The following COL4A1 variants were observed in gnomAD, a reference collection of about 807,000 sequenced individuals.
The protein encoded by COL4A1 is collagen alpha-1(IV) chain.
Under a neutral mutation model 216.6 loss-of-function variants are expected in COL4A1, and 40 were observed. The observed-to-expected ratio is 0.18, with a 90% CI of 0.14 to 0.24. COL4A1 has a LOEUF of 0.24. Ranked by LOEUF, COL4A1 falls within the 10% of genes least tolerant of loss-of-function variation. The probability of loss-of-function intolerance (pLI) is 1.00; values close to 1 mark genes in which losing one functional copy is unlikely to be tolerated. For synonymous variants in COL4A1, 839 were observed against 810.7 expected, an observed-to-expected ratio of 1.03 and a Z score of -0.59; for missense variants, 1,628 against 2,196.8, an observed-to-expected ratio of 0.74 and a Z score of 5.18.
intron 12 of COL4A1, 36 bp downstream of exon 12, chr13:110,208,813 T>A (rs1470873596): frequency 1.2e-6 from 2 of 1,612,026 alleles, no homozygotes; most frequent in Non-Finnish European, 1.7e-6. Context: ...ACTGTGGTTT[T>A]CAACATGAAA....
chr13:110,220,573 A>G (rs1454389250), intron 2 of COL4A1, among the ~76,000 whole-genome samples: 1 of 152,196 alleles, frequency 6.6e-6, no homozygotes, highest in Non-Finnish European at 1.5e-5. Context: ...ACTTTCAGAT[A>G]TCATGAGAGC....
At chr13:110,169,809 A>G (rs1877522938) in intron 42 of COL4A1, 47 bp from the exon 43 acceptor site, 1 of 1,611,442 alleles carries the variant, frequency 6.2e-7, no homozygotes, top group Non-Finnish European at 8.5e-7. Context: ...AATATGCACA[A>G]GTGTCCCTGG....
Position 110,213,937 on chromosome 13 carries a change from G to A in COL4A1, c.223C>T (p.Pro75Ser). 2.5e-6 allele frequency: 4 copies of A among 1,613,998 alleles called. No homozygotes were observed. The highest frequency in any genetic ancestry group is 2.2e-5 in the South Asian group (2 of 91,052). Residue 75 changes from proline to serine, a missense_variant, in exon 3 of 52, where the codon CCA becomes TCA. By Grantham distance (74) the Pro-to-Ser change is moderately conservative (BLOSUM62 -1). Coordinates refer to ENST00000375820, the MANE Select transcript of COL4A1 (RefSeq NM_001845.6). The stretch of plus-strand genomic sequence containing the variant: ...ACAGCCGTGCTTACCTTTTGTCCTG[G>A]TGGTCCCTGTGGCCCCTCAGGTCCT... ...MQGPEGPQGPPGQKGDTGEPG... is the reference protein window; with the variant it reads ...MQGPEGPQGPSGQKGDTGEPG...
chr13:110,162,174 C>T (rs1202256664), intron 48 of COL4A1, 56 bp downstream of exon 48: 45 of 1,498,866 alleles, frequency 3.0e-5, no homozygotes, highest in South Asian at 2.1e-4. Context: ...CACTGCACAC[C>T]GAAGGCACTC....
chr13:110,178,280 A>C (rs375334032), intron 31 of COL4A1, 49 bp from the exon 32 acceptor site: 443 of 1,609,016 alleles, frequency 2.8e-4, no homozygotes, highest in Non-Finnish European at 3.7e-4. Flanking sequence ...TTACAGAATG[A>C]TCTACAATGT....
intron 20 of COL4A1, among the ~76,000 whole-genome samples, chr13:110,200,490 G>A (rs987128556): frequency 6.6e-6 from 1 of 152,152 alleles, no homozygotes; most frequent in African/African-American, 2.4e-5. Flanking sequence ...GGAGGAAGGC[G>A]CCTGACTGTG....
chr13:110,255,500 T>A (rs1402785374), intron 1 of COL4A1, among the ~76,000 whole-genome samples: 1 of 124,912 alleles, frequency 8.0e-6, no homozygotes, highest in Non-Finnish European at 1.7e-5. Context: ...GGTTTCCCAA[T>A]GAAAGAACGG....
chr13:110,261,123 C>A (rs1224877538), intron 1 of COL4A1, among the ~76,000 whole-genome samples: 1 of 148,554 alleles, frequency 6.7e-6, no homozygotes, highest in Non-Finnish European at 1.5e-5. Flanking sequence ...AAGATTTGTT[C>A]ACCAATTCCA....
chr13:110,270,500 G>A (rs7327758), intron 1 of COL4A1, among the ~76,000 whole-genome samples: 39 of 152,334 alleles, frequency 2.6e-4, no homozygotes, highest in African/African-American at 8.9e-4. Context: ...TTTTAGGCTT[G>A]TATTGTATTA....
intron 6 of COL4A1, among the ~76,000 whole-genome samples, 169 bp from the exon 7 acceptor site, chr13:110,212,091 T>C (rs1471440690): frequency 9.9e-5 from 15 of 152,114 alleles, no homozygotes; most frequent in Non-Finnish European, 2.2e-4. Flanking sequence ...AAAGAAGAAA[T>C]AGACTTGATA....
chr13:110,237,098 G>A (rs1031325742), intron 2 of COL4A1, among the ~76,000 whole-genome samples: 24 of 152,244 alleles, frequency 1.6e-4, no homozygotes, highest in African/African-American at 5.5e-4. Flanking sequence ...TCCCCGTCCC[G>A]ACCCGTTAGA....
chr13:110,261,300 G>C (rs1047953496), intron 1 of COL4A1, among the ~76,000 whole-genome samples: 47 of 152,220 alleles, frequency 3.1e-4, no homozygotes, highest in Admixed American at 2.6e-4. Flanking sequence ...GCCTCTGATG[G>C]AATTCCACAG....
intron 35 of COL4A1, 24 bp from the exon 36 acceptor site, chr13:110,176,537 T>A (rs1359936541): frequency 6.2e-7 from 1 of 1,601,214 alleles, no homozygotes; most frequent in Admixed American, 1.7e-5. Flanking sequence ...GAAAGCAGTC[T>A]GACAGGTTGA....
chr13:110,248,104 T>C (rs1881910069), intron 1 of COL4A1, among the ~76,000 whole-genome samples: 1 of 152,132 alleles, frequency 6.6e-6, no homozygotes, highest in Non-Finnish European at 1.5e-5. Context: ...TTTCTCGCAT[T>C]CCCTATGCTG....
chr13:110,268,199 A>AACTGTGTCCTGCCTCAGAGCACCGGC lies in COL4A1; in HGVS notation c.85-25491_85-25466dup, dbSNP rs1303768642. Among the ~76,000 whole-genome samples, 1 of 152,212 alleles carries AACTGTGTCCTGCCTCAGAGCACCGGC rather than the reference A, an allele frequency of 6.6e-6. No homozygotes were observed. The highest frequency in any genetic ancestry group is 1.5e-5 in the Non-Finnish European group (1 of 68,034). Reference sequence around the variant, plus strand: ...GGCCAGGTTCAGCAGGGCCGATGCCAACTGTGTCCTGCCTCAGAGCACCGG... The same window carrying AACTGTGTCCTGCCTCAGAGCACCGGC: ...GGCCAGGTTCAGCAGGGCCGATGCCAACTGTGTCCTGCCTCAGAGCACCGGCACTGTGTCCTGCCTCAGAGCACCGG... On this transcript the variant is annotated intron_variant, in intron 1 of 51. Coordinates refer to ENST00000375820, the MANE Select transcript of COL4A1 (RefSeq NM_001845.6). This position sits in a 1 kb window ranked among gnomAD's most constrained non-coding sequence, Gnocchi z 4.1.
chr13:110,288,896 G>A (rs60185726), intron 1 of COL4A1, among the ~76,000 whole-genome samples: 24,814 of 152,208 alleles, frequency 0.16, 2,272 homozygotes, highest in South Asian at 0.22. Flanking sequence ...GCTGGGTGTG[G>A]TGGCGCACGC....
Position 110,213,999 on chromosome 13 carries a change from G to A in COL4A1, c.161C>T (p.Pro54Leu), listed in dbSNP as rs34004222. The A allele has an allele frequency of 3.9e-3, 6,371 of 1,613,946 alleles. 22 individuals carry two copies. Among genetic ancestry groups the A allele is most frequent in the Non-Finnish European group, 4.6e-3 (5,483 of 1,179,980 alleles). ...AAACCCAATGACACCTTGTAACCCCGGGAGGCCTCTTTCACCCTACAGAAG... is the reference window on the plus strand; with the variant it reads ...AAACCCAATGACACCTTGTAACCCCAGGAGGCCTCTTTCACCCTACAGAAG... ...VKGQKGERGL[P>L]GLQGVIGFPG... The change falls in exon 3 of 52, where the codon CCG becomes CTG. Residue 54 changes from proline (P) to leucine (L), a missense_variant. Pro to Leu is a moderately conservative substitution (Grantham distance 98, BLOSUM62 -3). Transcript: ENST00000375820.
At chr13:110,299,414 G>A (rs1884407301) in intron 1 of COL4A1, among the ~76,000 whole-genome samples, 1 of 152,224 alleles carries the variant, frequency 6.6e-6, no homozygotes, top group Admixed American at 6.5e-5. Context: ...GCCCCAAGGG[G>A]TCTTGATGTC....
chr13:110,167,575 C>T (rs549529709), intron 43 of COL4A1, among the ~76,000 whole-genome samples: 15 of 152,302 alleles, frequency 9.8e-5, no homozygotes, highest in South Asian at 6.2e-4. Flanking sequence ...ACACCTGTGA[C>T]GGCAACATAG....
Sources: allele counts gnomAD v4.1 joint callset (sites outside exome capture counted in the v4.1 genomes callset), GRCh38; gene constraint gnomAD v4.1.1; non-coding constraint Gnocchi (gnomAD v3.1); transcripts MANE v1.5; gene names NCBI Gene and HGNC (gene_info 2026-07-23, HGNC 2026-07-21).